MYOF: variants seen among roughly 807,000 people sequenced by gnomAD.
The protein encoded by MYOF is myoferlin, also known as fer-1-like 3, myoferlin.
In MYOF, 244 loss-of-function variants were observed where a neutral mutation model predicts 284.2. The ratio of observed to expected loss-of-function variants is 0.86; its 90% CI spans 0.77 to 0.95. The LOEUF is 0.95. Ranked by LOEUF, MYOF falls within the 40% of genes least tolerant of loss-of-function variation. The pLI, the probability that MYOF is intolerant of heterozygous loss-of-function variation, is 0.00. For missense variants in MYOF, 2,496 were observed against 2,560.6 expected, an observed-to-expected ratio of 0.97 and a Z score of 0.54; for synonymous variants, 904 against 919.7, an observed-to-expected ratio of 0.98 and a Z score of 0.31.
intron 1 of MYOF, among the ~76,000 whole-genome samples, chr10:93,475,054 G>C (rs1385182770): frequency 6.6e-6 from 1 of 152,238 alleles, no homozygotes; most frequent in East Asian, 1.9e-4. Flanking sequence ...CGGGCTTGAA[G>C]CTGCAGATTG....
intron 26 of MYOF, among the ~76,000 whole-genome samples, chr10:93,364,712 C>T (rs752569875): frequency 2.6e-5 from 4 of 152,168 alleles, no homozygotes; most frequent in African/African-American, 4.8e-5. Flanking sequence ...TTGGACAACC[C>T]GCAGAGGAAA....
At chr10:93,347,924 C>A in intron 36 of MYOF, 142 bp from the exon 37 acceptor site, 1 of 824,638 alleles carries the variant, frequency 1.2e-6, no homozygotes. Context: ...ATGTGCCAGG[C>A]AAGGAGCTCC....
intron 5 of MYOF, among the ~76,000 whole-genome samples, chr10:93,415,033 C>T (rs755704584): frequency 7.9e-5 from 12 of 152,066 alleles, no homozygotes; most frequent in Non-Finnish European, 1.6e-4. Flanking sequence ...CGTGAGCCAC[C>T]GCGCCTGGCT....
rs551256846 is a variant in MYOF at position 93,355,967 on chromosome 10, T to C, written c.3295-231A>G. ...GGAAGTGGGAGCCAGCCCTCCTACCTCCAGTCCAGGTTTGCCAAACCCTGC... is the reference window on the plus strand; with the variant it reads ...GGAAGTGGGAGCCAGCCCTCCTACCCCCAGTCCAGGTTTGCCAAACCCTGC... On this transcript the variant is annotated intron_variant, in intron 30 of 53. Transcript: ENST00000359263. 9.2e-5 allele frequency among the ~76,000 whole-genome samples: 14 copies of C among 151,844 alleles called. No individual in the cohort carries two copies. In the South Asian group the frequency reaches 2.9e-3, roughly 32 times the overall value.
At chr10:93,341,425 GCCA>G (rs1180838660) in intron 38 of MYOF, among the ~76,000 whole-genome samples, 2 of 152,144 alleles carry the variant, frequency 1.3e-5, no homozygotes, top group African/African-American at 4.8e-5. Flanking sequence ...ACAGGCGCCT[GCCA>G]CCACACCTGG....
Position 93,337,831 on chromosome 10 carries a change from C to T in MYOF, c.4421G>A (p.Gly1474Asp). The T allele has an allele frequency of 6.2e-7, 1 of 1,613,942 alleles. No individual in the cohort carries two copies. Among genetic ancestry groups the T allele is most frequent in the Non-Finnish European group, 8.5e-7 (1 of 1,179,888 alleles). The change falls in exon 40 of 54, where the codon GGC becomes GAC. Residue 1474 changes from glycine to aspartate, a missense_variant. Physicochemically the swap from Gly to Asp is moderately conservative, Grantham distance 94. Coordinates refer to ENST00000359263, the MANE Select transcript of MYOF (RefSeq NM_013451.4). The part of the protein sequence containing the change: ...HEKCGQYIQK[G>D]YSKLKIYNCE... ...TCCAGGTACCTTGAGCTTGGAATAG[C>T]CTTTCTGAATATACTGTCCGCATTT...
At chr10:93,444,285 T>C (rs2056364570) in intron 3 of MYOF, among the ~76,000 whole-genome samples, 1 of 152,246 alleles carries the variant, frequency 6.6e-6, no homozygotes, top group Non-Finnish European at 1.5e-5. Flanking sequence ...GAGCCTACTA[T>C]ATGCCAGGCA....
intron 24 of MYOF, among the ~76,000 whole-genome samples, chr10:93,371,617 GTTA>G (rs1489293339): frequency 2.0e-5 from 3 of 152,122 alleles, no homozygotes; most frequent in Non-Finnish European, 2.9e-5. Flanking sequence ...TTAGTAACGG[GTTA>G]TTGTTACAGT....
In MYOF at chr10:93,392,958, A is replaced by C; in HGVS notation, c.1418-3T>G. On this transcript the variant is annotated splice_region_variant and splice_polypyrimidine_tract_variant and intron_variant, in intron 16 of 53. Coordinates refer to ENST00000359263, the MANE Select transcript of MYOF (RefSeq NM_013451.4). ...CCCAGTTCCCGAAGATGAGAAATCT[A>C]TATAGTAAAAATATGACTGGTTAAA... The C allele has an allele frequency of 6.2e-7, 1 of 1,610,480 alleles. No homozygotes were observed. Among genetic ancestry groups the C allele is most frequent in the South Asian group, 1.1e-5 (1 of 90,974 alleles).
At chr10:93,349,164 A>T (rs777783016) in intron 36 of MYOF, among the ~76,000 whole-genome samples, 4 of 151,562 alleles carry the variant, frequency 2.6e-5, no homozygotes, top group Non-Finnish European at 4.4e-5. Context: ...TTTTTTTTTT[A>T]AAGTTAAGAA....
chr10:93,340,447 C>T (rs776020357), intron 38 of MYOF, among the ~76,000 whole-genome samples: 1 of 152,206 alleles, frequency 6.6e-6, no homozygotes, highest in Non-Finnish European at 1.5e-5. Flanking sequence ...CCCTGCCCCT[C>T]ATCTCATGTT....
In MYOF at chr10:93,482,271, C is replaced by A. The variant is rs1244806532; in HGVS notation, c.-77G>T. The A allele has an allele frequency of 1.6e-6, 2 of 1,256,758 alleles. No homozygotes were observed. The highest frequency in any genetic ancestry group is 1.5e-5 in the African/African-American group (1 of 66,382). 77.9% of individuals were successfully genotyped at this position (1,256,758 alleles called of 1,614,324 possible). On this transcript the variant is annotated 5_prime_UTR_variant, in exon 1 of 54. In the 5' UTR this introduces an upstream ATG that the reference lacks. Transcript: ENST00000359263. Reference sequence around the variant, plus strand: ...CGCTGGAGCTCCGGGTCGCACCGCCCTGGGAGAGAAGTTCTCTCCCAGTGA... The same window carrying A: ...CGCTGGAGCTCCGGGTCGCACCGCCATGGGAGAGAAGTTCTCTCCCAGTGA...
intron 3 of MYOF, among the ~76,000 whole-genome samples, chr10:93,448,640 C>A (rs1464823966): frequency 6.6e-6 from 1 of 152,114 alleles, no homozygotes; most frequent in Non-Finnish European, 1.5e-5. Context: ...GGAAGAAACA[C>A]AGGCACAAGC....
At position 93,379,950 on chromosome 10, in the gene MYOF, C is replaced by T; in HGVS notation, c.1914G>A (p.Lys638=). 3 of 1,614,070 alleles carry T rather than the reference C, an allele frequency of 1.9e-6. No individual in the cohort carries two copies. The highest frequency in any genetic ancestry group is 2.5e-6 in the Non-Finnish European group (3 of 1,179,976). Residue 638 remains lysine, a synonymous_variant, in exon 21 of 54, where the codon AAG becomes AAA. Transcript: ENST00000359263. ...YYYYLPWAHT[K]PVVTLTSYWE... Reference sequence around the variant, plus strand: ...AGTATGAAGTCAGGGTAACAACTGGCTTGGTGTGGGCCCAAGGCAAGTAAT... The same window carrying T: ...AGTATGAAGTCAGGGTAACAACTGGTTTGGTGTGGGCCCAAGGCAAGTAAT...
intron 36 of MYOF, among the ~76,000 whole-genome samples, chr10:93,349,489 T>C (rs1205300586): frequency 6.6e-6 from 1 of 152,230 alleles, no homozygotes; most frequent in Non-Finnish European, 1.5e-5. Flanking sequence ...CATGCATGAC[T>C]GGGGGTTAAT....
At chr10:93,326,270 C>A (rs1465065454) in intron 45 of MYOF, among the ~76,000 whole-genome samples, 1 of 152,232 alleles carries the variant, frequency 6.6e-6, no homozygotes, top group Non-Finnish European at 1.5e-5. Context: ...GCCTGTTTCT[C>A]AGCCTCCCTT....
chr10:93,463,178 A>C (rs1208637879), intron 1 of MYOF, among the ~76,000 whole-genome samples: 1 of 152,132 alleles, frequency 6.6e-6, no homozygotes, highest in African/African-American at 2.4e-5. Flanking sequence ...AGAACTGAAC[A>C]GCTCTCTTAG....
intron 23 of MYOF, among the ~76,000 whole-genome samples, chr10:93,373,959 C>A: frequency 6.6e-6 from 1 of 152,158 alleles, no homozygotes; most frequent in East Asian, 1.9e-4. Flanking sequence ...TTGCTGCACC[C>A]ATCAACTCAT....
At chr10:93,398,465 T>C (rs896926832) in intron 13 of MYOF, among the ~76,000 whole-genome samples, 6 of 152,228 alleles carry the variant, frequency 3.9e-5, no homozygotes, top group African/African-American at 9.6e-5. Flanking sequence ...TGTGTTCGTT[T>C]CTATATCCCA....
Sources: gnomAD v4.1 joint callset for allele counts (sites outside exome capture counted in the v4.1 genomes callset) on GRCh38, gnomAD v4.1.1 for gene constraint, MANE v1.5 for transcripts, NCBI Gene and HGNC (gene_info 2026-07-23, HGNC 2026-07-21) for gene names.